SORBS2: variants seen among roughly 807,000 people sequenced by gnomAD.
The protein encoded by SORBS2 is sorbin and SH3 domain containing 2.
In SORBS2, 46 loss-of-function variants were observed where a neutral mutation model predicts 97.7. That is an observed-to-expected ratio of 0.47 (90% CI 0.37 to 0.60). The LOEUF (loss-of-function observed/expected upper bound fraction) is 0.60, where lower values mean the gene tolerates loss of function less well. Ranked by LOEUF, SORBS2 falls within the 20% of genes least tolerant of loss-of-function variation. SORBS2 has a pLI of 0.00. For missense variants in SORBS2, 1,316 were observed against 1,282.3 expected (o/e 1.03, Z -0.40); for synonymous variants, 476 against 473.4 (o/e 1.01, Z -0.07).
At chr4:185,886,584 A>G (rs1202673289) in intron 1 of SORBS2, among the ~76,000 whole-genome samples, 42 of 149,362 alleles carry the variant, frequency 2.8e-4, no homozygotes, top group African/African-American at 1.0e-3. Context: ...GAAAAGAAAA[A>G]AAAAAGAAAA....
intron 1 of SORBS2, among the ~76,000 whole-genome samples, chr4:185,880,644 CT>C (rs2099236372): frequency 2.0e-5 from 3 of 152,194 alleles, no homozygotes; most frequent in Admixed American, 1.3e-4. Flanking sequence ...AACTAGGATA[CT>C]TTTAAGTTTC....
At chr4:185,867,885 A>T (rs1423277917) in intron 1 of SORBS2, among the ~76,000 whole-genome samples, 1 of 152,082 alleles carries the variant, frequency 6.6e-6, no homozygotes, top group African/African-American at 2.4e-5. Context: ...GGCATTACAC[A>T]GCTAACCCTC....
chr4:185,864,304 T>C (rs1292712231), intron 1 of SORBS2, among the ~76,000 whole-genome samples: 2 of 152,134 alleles, frequency 1.3e-5, no homozygotes, highest in East Asian at 3.8e-4. Context: ...AACATTAGAT[T>C]CAAAGAAAGA....
At chr4:185,708,369 A>G (rs973138036) in intron 2 of SORBS2, among the ~76,000 whole-genome samples, 1 of 152,242 alleles carries the variant, frequency 6.6e-6, no homozygotes, top group Non-Finnish European at 1.5e-5. Flanking sequence ...GAGCACAACC[A>G]GCGTTTGTTT....
intron 1 of SORBS2, among the ~76,000 whole-genome samples, chr4:185,893,790 T>C (rs2099243665): frequency 6.6e-6 from 1 of 152,148 alleles, no homozygotes; most frequent in South Asian, 2.1e-4. Context: ...GTAAGCCTGG[T>C]GAGCAAACGG....
chr4:185,900,194 G>A (rs1253634452), intron 1 of SORBS2, among the ~76,000 whole-genome samples: 4 of 152,146 alleles, frequency 2.6e-5, no homozygotes, highest in Admixed American at 2.0e-4. Context: ...GCAGACAATC[G>A]TTCATAAGTA....
intron 1 of SORBS2, among the ~76,000 whole-genome samples, chr4:185,912,345 A>G (rs546613190): frequency 1.1e-3 from 172 of 151,956 alleles, no homozygotes; most frequent in African/African-American, 3.9e-3. Flanking sequence ...AGCACTTTGG[A>G]AGGCCGAGGC....
rs188583737 is a variant in SORBS2 at position 185,727,108 on chromosome 4, C to A, written c.-198+48119G>T. On this transcript the variant is annotated intron_variant, in intron 2 of 20. Transcript: ENST00000284776. Reference sequence around the variant, plus strand: ...GACGCCACCACAAAAGCAGCAGCATCTGGAAGTACACGTGCTCATCTCTTT... The same window carrying A: ...GACGCCACCACAAAAGCAGCAGCATATGGAAGTACACGTGCTCATCTCTTT... Among the ~76,000 whole-genome samples the A allele has an allele frequency of 2.6e-5, 4 of 152,286 alleles. No individual in the cohort carries two copies. The East Asian group carries it at 5.8e-4, about 22-fold the overall frequency.
intron 7 of SORBS2, 94 bp downstream of exon 19, chr4:185,622,820 C>A: frequency 7.7e-7 from 1 of 1,304,448 alleles, no homozygotes. Context: ...AATGGTCTCC[C>A]AGCTCGGGAG....
chr4:185,836,494 CAA>C (rs1027769662), intron 1 of SORBS2, among the ~76,000 whole-genome samples: 7 of 152,172 alleles, frequency 4.6e-5, no homozygotes, highest in African/African-American at 1.7e-4. Context: ...TAACAACAAA[CAA>C]TATTTACTAA....
At chr4:185,725,620 G>T (rs545650965) in intron 2 of SORBS2, among the ~76,000 whole-genome samples, 4 of 152,112 alleles carry the variant, frequency 2.6e-5, no homozygotes, top group Non-Finnish European at 5.9e-5. Flanking sequence ...GGCTATTATT[G>T]TCTTGATCTT....
upstream of SORBS2, chr4:185,657,319 ATCC>A: frequency 9.2e-7 from 1 of 1,083,414 alleles, no homozygotes; most frequent in Non-Finnish European, 1.3e-6. Context: ...ACGGAGGGCA[ATCC>A]TCCTTATATA....
chr4:185,769,893 C>T (rs1459140670), intron 2 of SORBS2, among the ~76,000 whole-genome samples: 2 of 152,200 alleles, frequency 1.3e-5, no homozygotes, highest in Admixed American at 6.5e-5. Flanking sequence ...GTTTTCCTTT[C>T]TCAGCTGTTA....
At chr4:185,925,356 G>A (rs1420657242) in intron 1 of SORBS2, among the ~76,000 whole-genome samples, 1 of 152,126 alleles carries the variant, frequency 6.6e-6, no homozygotes, top group Non-Finnish European at 1.5e-5. Context: ...GATGTGGTGG[G>A]TGGTCAGAAT....
Position 185,907,306 on chromosome 4 carries a change from G to T in SORBS2, c.-338+48890C>A, listed in dbSNP as rs28651178. ...TGTCCACCTTAAATGTTTTCGCTGG[G>T]TTACCTTTTGGTATTATAATGTTAG... On this transcript the variant is annotated intron_variant, in intron 1 of 20. Coordinates refer to the SORBS2 transcript ENST00000284776. 3.6e-3 allele frequency among the ~76,000 whole-genome samples: 547 copies of T among 152,176 alleles called. 5 individuals are homozygous for T. Among genetic ancestry groups the T allele is most frequent in the African/African-American group, 0.013 (521 of 41,518 alleles).
chr4:185,595,766 CT>C (rs33913195), intron 12 of SORBS2, among the ~76,000 whole-genome samples: 11,895 of 142,150 alleles, frequency 0.084, 1,517 homozygotes, highest in African/African-American at 0.28. Context: ...TTGGTCTAGT[CT>C]TTTTTTTTTT....
At chr4:185,895,097 A>T (rs2099244382) in intron 1 of SORBS2, among the ~76,000 whole-genome samples, 1 of 152,242 alleles carries the variant, frequency 6.6e-6, no homozygotes, top group Admixed American at 6.5e-5. Context: ...GCTTCTAAGA[A>T]TCCATGACAC....
chr4:185,645,642 T>C (rs1353646476), intron 4 of SORBS2: 1 of 152,222 alleles, frequency 6.6e-6, no homozygotes, highest in East Asian at 1.9e-4. Context: ...TTGGATTATA[T>C]ATGAGTGTGA....
At chr4:185,649,755 C>A (rs1233445224) in intron 2 of SORBS2, 99 bp from the exon 12 acceptor site, 1 of 704,970 alleles carries the variant, frequency 1.4e-6, no homozygotes, top group Non-Finnish European at 2.1e-6. Context: ...CCAATGATTG[C>A]ATAGAAATTA....
Sources: allele counts gnomAD v4.1 joint callset (sites outside exome capture counted in the v4.1 genomes callset), GRCh38; gene constraint gnomAD v4.1.1; transcripts MANE v1.5; gene names NCBI Gene and HGNC (gene_info 2026-07-23, HGNC 2026-07-21).